Variants in PCLO observed in about 807,000 individuals in gnomAD.
PCLO encodes protein piccolo.
A neutral mutation model predicts 427.5 loss-of-function variants in PCLO; 82 were observed. That is an observed-to-expected ratio of 0.19 (90% CI 0.16 to 0.23). The LOEUF is 0.23. Among genes scored for constraint, PCLO ranks in the 10% least tolerant of loss-of-function variants. PCLO has a pLI of 1.00. For synonymous variants in PCLO, 2,357 were observed against 2,155.4 expected (o/e 1.09, Z -2.59); for missense variants, 6,239 against 6,115.9 (o/e 1.02, Z -0.67).
rs540922525 is a variant in PCLO, at chr7:82,815,881, C to G, written c.14791+6614G>C. Among the ~76,000 whole-genome samples, 5 of 152,180 alleles carry G rather than the reference C, an allele frequency of 3.3e-5. No individual in the cohort carries two copies. In the South Asian group the frequency reaches 1.0e-3, roughly 32 times the overall value. On this transcript the variant is annotated intron_variant, in intron 20 of 24. Coordinates refer to ENST00000333891, the MANE Select transcript of PCLO (RefSeq NM_033026.6). ...ATTAACGAATTATACTTTTCAGTAT[C>G]TAAAACACATTAAAATATAAAATGA...
chr7:83,092,881 A>G (rs1450587088), intron 3 of PCLO, among the ~76,000 whole-genome samples: 1 of 139,248 alleles, frequency 7.2e-6, no homozygotes, highest in African/African-American at 2.7e-5. Context: ...TGGGAGGCAG[A>G]GGTTGCAGTG....
At chr7:83,131,096 C>T (rs1217881086) in intron 3 of PCLO, among the ~76,000 whole-genome samples, 1 of 152,156 alleles carries the variant, frequency 6.6e-6, no homozygotes, top group Non-Finnish European at 1.5e-5. Context: ...TCTCAGTATG[C>T]TTCCAAATTC....
intron 3 of PCLO, among the ~76,000 whole-genome samples, chr7:83,052,352 CA>C (rs1164948443): frequency 6.6e-6 from 1 of 151,608 alleles, no homozygotes; most frequent in African/African-American, 2.4e-5. Flanking sequence ...AAATAAAAAA[CA>C]AAACAAAACA....
In PCLO at chr7:82,954,815, A is replaced by T; in HGVS notation, c.6138T>A (p.Gly2046=). The T allele has an allele frequency of 6.2e-7, 1 of 1,613,794 alleles. No homozygotes were observed. Among genetic ancestry groups the T allele is most frequent in the Non-Finnish European group, 8.5e-7 (1 of 1,179,782 alleles). ...CTTCTTCTGTAGAAGTTACCATAGTACCCAGGTCCACTATCTCATGGCTTT... is the reference window on the plus strand; with the variant it reads ...CTTCTTCTGTAGAAGTTACCATAGTTCCCAGGTCCACTATCTCATGGCTTT... ...IPESHEIVDL[G]TMVTSTEEER... The change falls in exon 5 of 25, where the codon GGT becomes GGA. Residue 2046 remains glycine (G), a synonymous_variant. Coordinates refer to ENST00000333891, the MANE Select transcript of PCLO (RefSeq NM_033026.6).
intron 3 of PCLO, among the ~76,000 whole-genome samples, chr7:83,021,004 T>C (rs1043400037): frequency 2.0e-5 from 3 of 152,160 alleles, no homozygotes; most frequent in Non-Finnish European, 4.4e-5. Flanking sequence ...TTTTGAAATA[T>C]TCTTTCAGGG....
intron 3 of PCLO, among the ~76,000 whole-genome samples, chr7:82,974,571 T>C (rs73707195): frequency 0.074 from 11,237 of 152,216 alleles, 1,408 homozygotes; most frequent in African/African-American, 0.26. Context: ...GGCTTATCTA[T>C]GGGTTCATAG....
intron 10 of PCLO, 22 bp downstream of exon 10, chr7:82,879,315 C>T: frequency 4.4e-6 from 7 of 1,583,630 alleles, no homozygotes; most frequent in Non-Finnish European, 5.1e-6. Context: ...TTTTATTTTA[C>T]TGTAAAATTC....
At chr7:83,136,437 G>A (rs1490742007) in intron 2 of PCLO, among the ~76,000 whole-genome samples, 1 of 151,972 alleles carries the variant, frequency 6.6e-6, no homozygotes, top group Admixed American at 6.6e-5. Context: ...TCAATTTTAA[G>A]ATATACAGCC....
chr7:82,996,439 G>A (rs1451527445), intron 3 of PCLO, among the ~76,000 whole-genome samples: 1 of 151,978 alleles, frequency 6.6e-6, no homozygotes, highest in Admixed American at 6.6e-5. Context: ...ATAAGTGTTA[G>A]GTTACCGTGT....
At chr7:82,818,847 GA>G (rs1245664512) in intron 20 of PCLO, among the ~76,000 whole-genome samples, 1 of 152,098 alleles carries the variant, frequency 6.6e-6, no homozygotes, top group Non-Finnish European at 1.5e-5. Context: ...ACAACATGAA[GA>G]ACTATTCAAA....
At chr7:83,019,790 G>C (rs1014559234) in intron 3 of PCLO, among the ~76,000 whole-genome samples, 35 of 152,008 alleles carry the variant, frequency 2.3e-4, no homozygotes, top group Admixed American at 2.6e-4. Context: ...TATTTCTACA[G>C]AATAAATTAT....
At chr7:83,012,960 G>A (rs1788121271) in intron 3 of PCLO, among the ~76,000 whole-genome samples, 1 of 152,066 alleles carries the variant, frequency 6.6e-6, no homozygotes, top group African/African-American at 2.4e-5. Context: ...ACTTCCCTAT[G>A]CTGCCACACT....
At position 82,758,689 on chromosome 7, in the gene PCLO, C is replaced by T; in HGVS notation, c.15315G>A (p.Lys5105=). The T allele has an allele frequency of 6.2e-7, 1 of 1,604,038 alleles. No individual in the cohort carries two copies. The highest frequency in any genetic ancestry group is 8.5e-7 in the Non-Finnish European group (1 of 1,172,786). The part of the protein sequence containing the change: ...LQILLFSNGG[K]FMKKTLIGEA... ...CACCAATCAAGGTCTTTTTCATAAACTTCCCTCCATTGGAGAAAAGTAAAA... is the reference window on the plus strand; with the variant it reads ...CACCAATCAAGGTCTTTTTCATAAATTTCCCTCCATTGGAGAAAAGTAAAA... Residue 5105 remains lysine (K), a synonymous_variant, in exon 25 of 25, where the codon AAG becomes AAA. Coordinates refer to ENST00000333891, the MANE Select transcript of PCLO (RefSeq NM_033026.6).
intron 3 of PCLO, among the ~76,000 whole-genome samples, chr7:83,023,096 C>T (rs1414581854): frequency 6.6e-6 from 1 of 151,930 alleles, no homozygotes; most frequent in Non-Finnish European, 1.5e-5. Context: ...AAACTGTTAC[C>T]ACTAGCTATT....
chr7:82,925,007 AG>A (rs754872721), intron 6 of PCLO, among the ~76,000 whole-genome samples: 21 of 152,178 alleles, frequency 1.4e-4, no homozygotes, highest in Non-Finnish European at 2.5e-4. Context: ...AATTGCTCTT[AG>A]GGTCATTTGT....
In PCLO at chr7:82,794,459, C is replaced by CTTTTTTTTTTTTTTTTTTTTTTTTTTTTT. The variant is rs778108792; in HGVS notation, c.15007+7030_15007+7058dup. ...ACATGCTAGTTCATAAATTTTTTTT[C>CTTTTTTTTTTTTTTTTTTTTTTTTTTTTT]TTTTTTTTTTTTTTTTTTTTTTTTT... On this transcript the variant is annotated intron_variant, in intron 22 of 24. Transcript: ENST00000333891. 3.5e-4 allele frequency among the ~76,000 whole-genome samples: 20 copies of CTTTTTTTTTTTTTTTTTTTTTTTTTTTTT among 56,368 alleles called. 6 individuals are homozygous for CTTTTTTTTTTTTTTTTTTTTTTTTTTTTT. The highest frequency in any genetic ancestry group is 5.4e-4 in the Admixed American group (2 of 3,688). 37.0% of individuals were successfully genotyped at this position (56,368 alleles called of 152,430 possible).
intron 3 of PCLO, among the ~76,000 whole-genome samples, chr7:83,081,762 T>TCCTA (rs1166170129): frequency 6.6e-6 from 1 of 151,764 alleles, no homozygotes; most frequent in African/African-American, 2.4e-5. Flanking sequence ...ATTTATTGCT[T>TCCTA]CCTAACACCT....
chr7:83,013,852 T>G (rs958636601), intron 3 of PCLO, among the ~76,000 whole-genome samples: 2 of 152,328 alleles, frequency 1.3e-5, no homozygotes, highest in East Asian at 3.9e-4. Context: ...TTATGAAAAC[T>G]ATATCAGATA....
rs138771660 is a variant in PCLO, at chr7:83,149,665, T to A, written c.1893+5083A>T. On this transcript the variant is annotated intron_variant, in intron 2 of 24. Transcript: ENST00000333891. ...TTACAGGCTTTCTCTCTCCACAGAT[T>A]CCAGCCTCTTGACATTTGGCATAGC... 1.5e-3 allele frequency among the ~76,000 whole-genome samples: 235 copies of A among 152,308 alleles called. 3 individuals are homozygous for A. The highest frequency in any genetic ancestry group is 5.1e-3 in the African/African-American group (211 of 41,572).
Sources: gnomAD v4.1 joint callset for allele counts (sites outside exome capture counted in the v4.1 genomes callset) on GRCh38, gnomAD v4.1.1 for gene constraint, MANE v1.5 for transcripts, NCBI Gene and HGNC (gene_info 2026-07-23, HGNC 2026-07-21) for gene names.